PCDH15: variants seen among roughly 807,000 people sequenced by gnomAD.
PCDH15 encodes the protein protocadherin related 15, also known as protocadherin-15.
A neutral mutation model predicts 178.5 loss-of-function variants in PCDH15; 129 were observed. The observed-to-expected ratio is 0.72, with a 90% CI of 0.63 to 0.84. PCDH15 has a LOEUF of 0.84. Ranked by LOEUF, PCDH15 falls within the 40% of genes least tolerant of loss-of-function variation. The pLI is 0.00. For missense variants in PCDH15, 2,230 were observed against 2,099.9 expected, an observed-to-expected ratio of 1.06 and a Z score of -1.21; for synonymous variants, 800 against 732.0, an observed-to-expected ratio of 1.09 and a Z score of -1.50.
In PCDH15 at chr10:54,079,396, G is replaced by C; in HGVS notation, c.2026C>G (p.Leu676Val). The C allele has an allele frequency of 6.2e-7, 1 of 1,614,064 alleles. No individual in the cohort carries two copies. Among genetic ancestry groups the C allele is most frequent in the Non-Finnish European group, 8.5e-7 (1 of 1,179,970 alleles). Residue 676 changes from leucine to valine, a missense_variant, in exon 17 of 38, where the codon CTG (leucine) becomes GTG (valine). Physicochemically the swap from Leu to Val is conservative, Grantham distance 32. Coordinates refer to ENST00000644397, the MANE Select transcript of PCDH15 (RefSeq NM_001384140.1). The part of the protein sequence containing the change: ...TTGILTLGKA[L>V]DRESTDRYIL... ...TAGCGATCAGTGCTTTCCCTGTCCA[G>C]TGCTTTCCCTAAGGTTAGAATCCCC...
intron 2 of PCDH15, chr10:54,568,515 T>A (rs972346302): frequency 1.3e-5 from 2 of 152,158 alleles, no homozygotes; most frequent in Non-Finnish European, 2.9e-5. Flanking sequence ...TATTGTGGTA[T>A]AATTTACATT....
At chr10:54,497,713 T>C (rs1472451817) in intron 3 of PCDH15, among the ~76,000 whole-genome samples, 1 of 152,046 alleles carries the variant, frequency 6.6e-6, no homozygotes, top group African/African-American at 2.4e-5. Context: ...CTCCAGGGCT[T>C]GAAGACTGTA....
At chr10:53,940,272 A>G (rs2085937769) in intron 24 of PCDH15, among the ~76,000 whole-genome samples, 1 of 152,142 alleles carries the variant, frequency 6.6e-6, no homozygotes, top group South Asian at 2.1e-4. Context: ...CTATGACCTT[A>G]TTCCCAGAGG....
intron 1 of PCDH15, among the ~76,000 whole-genome samples, chr10:54,743,842 A>C (rs1347160220): frequency 2.0e-5 from 3 of 152,048 alleles, no homozygotes; most frequent in Admixed American, 2.0e-4. Context: ...GTAAAAAGAA[A>C]CCACTCTAAC....
rs748293534 is a variant in PCDH15, at chr10:53,803,561, T to C, written c.*3018A>G. ...AAAATTCAAGGCAAACTTTCTTCTG[T>C]ATTTTAAAAAGATGGTTTTGGCCAA... On this transcript the variant is annotated 3_prime_UTR_variant, in exon 38 of 38. Transcript: ENST00000644397. The C allele has an allele frequency of 1.3e-4, 20 of 151,990 alleles. No individual in the cohort carries two copies. The highest frequency in any genetic ancestry group is 2.4e-4 in the Non-Finnish European group (16 of 67,904). The allele number at this position is 151,990 out of a possible 1,614,324, so 9.4% of individuals were successfully genotyped here. A position where few individuals can be genotyped will look rare whatever the true frequency, so the allele number is the denominator to read the frequency against.
At chr10:53,808,939 G>A in intron 37 of PCDH15, 1 of 1,562,098 alleles carries the variant, frequency 6.4e-7, no homozygotes, top group Non-Finnish European at 8.7e-7. Context: ...TTCCACAGGG[G>A]CTGGTCCACT....
At chr10:54,726,598 A>G (rs905061457) in intron 1 of PCDH15, among the ~76,000 whole-genome samples, 47 of 151,670 alleles carry the variant, frequency 3.1e-4, no homozygotes, top group Admixed American at 2.6e-3. Flanking sequence ...TTGGTTTTCA[A>G]TGAAGATCAT....
intron 3 of PCDH15, among the ~76,000 whole-genome samples, chr10:54,383,188 T>A (rs1314249292): frequency 6.6e-6 from 1 of 152,078 alleles, no homozygotes; most frequent in Non-Finnish European, 1.5e-5. Flanking sequence ...AAAATGTACT[T>A]TCTGTACAAC....
chr10:54,428,651 C>T lies in PCDH15; in HGVS notation c.158-49709G>A, dbSNP rs79066504. On this transcript the variant is annotated intron_variant, in intron 3 of 37. Transcript: ENST00000644397. ...ATTGAGGCATTCGATAATCATACTC[C>T]CAAAGGTCAAGGATAAAGAAAATAT... 8.3e-3 allele frequency among the ~76,000 whole-genome samples: 1,269 copies of T among 152,084 alleles called. 18 individuals carry two copies. The highest frequency in any genetic ancestry group is 0.029 in the African/African-American group (1,206 of 41,486).
chr10:54,237,159 A>G (rs926345580), intron 8 of PCDH15, among the ~76,000 whole-genome samples: 2 of 152,164 alleles, frequency 1.3e-5, no homozygotes, highest in African/African-American at 4.8e-5. Context: ...ATAGACATTT[A>G]TATCAGTAAC....
At chr10:54,609,091 A>G (rs754350726) in intron 2 of PCDH15, among the ~76,000 whole-genome samples, 20 of 152,152 alleles carry the variant, frequency 1.3e-4, no homozygotes, top group African/African-American at 3.9e-4. Flanking sequence ...TGCAACAATT[A>G]TTAAAATTTG....
chr10:54,221,866 G>A (rs1221695166), intron 9 of PCDH15, among the ~76,000 whole-genome samples: 1 of 152,168 alleles, frequency 6.6e-6, no homozygotes, highest in African/African-American at 2.4e-5. Context: ...GCCTCCCAAT[G>A]TGCTGGGATT....
chr10:54,361,162 T>C (rs993922378), intron 5 of PCDH15, among the ~76,000 whole-genome samples: 6 of 152,166 alleles, frequency 3.9e-5, no homozygotes, highest in Admixed American at 3.9e-4. Flanking sequence ...AGGTCCCTAA[T>C]TGACCCTGTA....
At chr10:55,304,916 T>C (rs1843380783) in intron 1 of PCDH15, among the ~76,000 whole-genome samples, 1 of 152,186 alleles carries the variant, frequency 6.6e-6, no homozygotes, top group Non-Finnish European at 1.5e-5. Context: ...CAATGTAATA[T>C]ACATACTGAT....
intron 3 of PCDH15, among the ~76,000 whole-genome samples, chr10:54,522,301 A>T (rs909572909): frequency 1.3e-5 from 2 of 152,150 alleles, no homozygotes; most frequent in Admixed American, 6.5e-5. Context: ...ATTTTTGACT[A>T]ATCTACATAC....
intron 2 of PCDH15, among the ~76,000 whole-genome samples, chr10:54,944,302 C>T (rs1838136010): frequency 6.6e-6 from 1 of 151,902 alleles, no homozygotes; most frequent in South Asian, 2.1e-4. Flanking sequence ...TGTATGTGTT[C>T]CTATGTGTCT....
chr10:54,727,812 T>C (rs1182593894), intron 1 of PCDH15, among the ~76,000 whole-genome samples: 1 of 151,468 alleles, frequency 6.6e-6, no homozygotes, highest in East Asian at 1.9e-4. Flanking sequence ...AGATTTCTAG[T>C]CACATAAACT....
At chr10:54,387,416 C>T (rs1950052671) in intron 3 of PCDH15, among the ~76,000 whole-genome samples, 1 of 152,156 alleles carries the variant, frequency 6.6e-6, no homozygotes, top group Non-Finnish European at 1.5e-5. Context: ...GAAATTCTGA[C>T]ACATGCTACA....
At chr10:55,032,922 G>T (rs1840647363) in intron 2 of PCDH15, among the ~76,000 whole-genome samples, 1 of 152,132 alleles carries the variant, frequency 6.6e-6, no homozygotes, top group South Asian at 2.1e-4. Flanking sequence ...TGCACCCATT[G>T]TTTTTGTACA....
Sources: allele counts gnomAD v4.1 joint callset (sites outside exome capture counted in the v4.1 genomes callset), GRCh38; gene constraint gnomAD v4.1.1; transcripts MANE v1.5; gene names NCBI Gene and HGNC (gene_info 2026-07-23, HGNC 2026-07-21).